The following USP29 variants were observed in gnomAD, a reference collection of about 807,000 sequenced individuals.
The protein encoded by USP29 is ubiquitin carboxyl-terminal hydrolase 29.
For missense variants in USP29, 1,102 were observed against 1,069.0 expected (o/e 1.03, Z -0.43); for synonymous variants, 386 against 387.4 (o/e 1.00, Z 0.04).
Position 57,124,558 on chromosome 19 carries a change from G to C in USP29, c.-17+419G>C, listed in dbSNP as rs548810432. ...GAGCCTTGCTGTGTCTCCCCAGCTGGAGTGCAGTGGCGAGATCTCTGTTCA... is the reference window on the plus strand; with the variant it reads ...GAGCCTTGCTGTGTCTCCCCAGCTGCAGTGCAGTGGCGAGATCTCTGTTCA... On this transcript the variant is annotated intron_variant, in intron 3 of 3. Transcript: ENST00000254181. Among the ~76,000 whole-genome samples the C allele has an allele frequency of 1.5e-4, 22 of 151,374 alleles. 1 individual carries two copies. Among genetic ancestry groups the C allele is most frequent in the Admixed American group, 1.3e-3 (19 of 15,188 alleles).
At position 57,129,672 on chromosome 19, in the gene USP29, A is replaced by G. The variant is rs1181002815; in HGVS notation, c.997A>G (p.Thr333Ala). 6.2e-7 allele frequency: 1 copy of G among 1,614,102 alleles called. No individual in the cohort carries two copies. The highest frequency in any genetic ancestry group is 1.6e-4 in the Middle Eastern group (1 of 6,062). The part of the protein sequence containing the change: ...IPFEALIMTL[T>A]QLLALKDFCS... Reference sequence around the variant, plus strand: ...CTTTGAGGCTCTTATTATGACCTTGACCCAGCTGCTTGCTTTGAAAGATTT... The same window carrying G: ...CTTTGAGGCTCTTATTATGACCTTGGCCCAGCTGCTTGCTTTGAAAGATTT... The change falls in exon 4 of 4, where the codon ACC (threonine) becomes GCC (alanine). Residue 333 changes from threonine (T) to alanine (A), a missense_variant. Physicochemically the swap from Thr to Ala is moderately conservative, Grantham distance 58. Transcript: ENST00000254181.
intron 2 of USP29, among the ~76,000 whole-genome samples, chr19:57,123,598 G>A (rs1377663152): frequency 2.0e-5 from 3 of 151,996 alleles, no homozygotes; most frequent in East Asian, 3.9e-4. Flanking sequence ...TACAATGTGT[G>A]ATCTCGATGC....
In USP29 at chr19:57,129,580, C is replaced by T. The variant is rs762461791; in HGVS notation, c.905C>T (p.Ser302Leu). ...TGTTACATGAATGCAGTTTTACAATCGCTATTTGCAATTCCATCTTTTGCT... is the reference window on the plus strand; with the variant it reads ...TGTTACATGAATGCAGTTTTACAATTGCTATTTGCAATTCCATCTTTTGCT... ...NTCYMNAVLQ[S>L]LFAIPSFADD... Residue 302 changes from serine (S) to leucine (L), a missense_variant, in exon 4 of 4, where the codon TCG (serine) becomes TTG (leucine). Coordinates refer to ENST00000254181, the MANE Select transcript of USP29 (RefSeq NM_020903.3). The T allele has an allele frequency of 1.1e-5, 18 of 1,614,060 alleles. No individual in the cohort carries two copies. Among genetic ancestry groups the T allele is most frequent in the Admixed American group, 1.7e-5 (1 of 60,010 alleles).
chr19:57,121,619 A>G (rs1028717849), intron 1 of USP29, among the ~76,000 whole-genome samples: 3 of 146,612 alleles, frequency 2.0e-5, no homozygotes, highest in African/African-American at 7.4e-5. Context: ...ATATGCTTAT[A>G]TGTATGTTAT....
At chr19:57,122,781 A>T (rs1272313371) in intron 2 of USP29, among the ~76,000 whole-genome samples, 1 of 152,140 alleles carries the variant, frequency 6.6e-6, no homozygotes, top group African/African-American at 2.4e-5. Flanking sequence ...AATGAAAATG[A>T]TGAAGCCTAC....
In USP29 at chr19:57,131,180, C is replaced by T. The variant is rs528311193; in HGVS notation, c.2505C>T (p.Ser835=). The T allele has an allele frequency of 1.5e-5, 25 of 1,614,166 alleles. 1 individual carries two copies. Among genetic ancestry groups the T allele is most frequent in the East Asian group, 6.7e-5 (3 of 44,886 alleles). ...LISVVSHIGS[S]PNSGHYISDV... The stretch of plus-strand genomic sequence containing the variant: ...GTGTTGTCAGCCATATCGGGAGCTC[C>T]CCAAATTCAGGCCATTACATCAGCG... Residue 835 remains serine (S), a synonymous_variant, in exon 4 of 4, where the codon TCC becomes TCT. Transcript: ENST00000254181.
At chr19:57,124,939 TG>T (rs775172023) in intron 3 of USP29, among the ~76,000 whole-genome samples, 2 of 152,250 alleles carry the variant, frequency 1.3e-5, no homozygotes, top group African/African-American at 2.4e-5. Context: ...CCTCCCATGA[TG>T]GAGCCTTAAT....
intron 1 of USP29, among the ~76,000 whole-genome samples, chr19:57,121,510 A>G (rs1418621573): frequency 6.9e-6 from 1 of 145,208 alleles, no homozygotes; most frequent in Non-Finnish European, 1.5e-5. Flanking sequence ...TATATGTTAT[A>G]TATACTTATA....
At chr19:57,125,246 A>C (rs1419857725) in intron 3 of USP29, among the ~76,000 whole-genome samples, 1 of 152,166 alleles carries the variant, frequency 6.6e-6, no homozygotes, top group Non-Finnish European at 1.5e-5. Flanking sequence ...CTTGTTTGTT[A>C]TGATTTCCGT....
chr19:57,126,146 C>T (rs762082265), intron 3 of USP29, among the ~76,000 whole-genome samples: 13 of 152,150 alleles, frequency 8.5e-5, no homozygotes, highest in Non-Finnish European at 1.9e-4. Flanking sequence ...GATGGGCTTC[C>T]CTTTGTGGGT....
chr19:57,125,406 T>C (rs1033737556), intron 3 of USP29, among the ~76,000 whole-genome samples: 1 of 152,190 alleles, frequency 6.6e-6, no homozygotes, highest in African/African-American at 2.4e-5. Context: ...TCTAAGCCTC[T>C]TTGTAGGTCT....
rs747696729 is a variant in USP29 at position 57,129,908 on chromosome 19, T to C, written c.1233T>C (p.His411=). The change falls in exon 4 of 4, where the codon CAT becomes CAC. Residue 411 remains histidine (H), a synonymous_variant. Transcript: ENST00000254181. ...CGDENSSPQM[H]VGSAATKVFV... ...ATGAAAATTCATCTCCACAAATGCA[T>C]GTTGGTAGTGCTGCCACCAAAGTGT... 8.7e-6 allele frequency: 14 copies of C among 1,614,190 alleles called. No individual in the cohort carries two copies. The highest frequency in any genetic ancestry group is 2.2e-5 in the East Asian group (1 of 44,884).
chr19:57,128,559 A>C, intron 3 of USP29, 101 bp from the exon 4 acceptor site: 1 of 1,214,496 alleles, frequency 8.2e-7, no homozygotes, highest in South Asian at 1.9e-5. Context: ...GAGCATAAGA[A>C]GACTAAAAAT....
intron 3 of USP29, among the ~76,000 whole-genome samples, chr19:57,127,056 C>T (rs2086827717): frequency 6.6e-6 from 1 of 152,182 alleles, no homozygotes; most frequent in Non-Finnish European, 1.5e-5. Flanking sequence ...CCACTCCAGA[C>T]CCTTTTCACC....
intron 3 of USP29, among the ~76,000 whole-genome samples, chr19:57,126,223 C>T (rs188484445): frequency 6.8e-4 from 104 of 152,144 alleles, no homozygotes; most frequent in African/African-American, 2.1e-3. Flanking sequence ...GAGAATCTGA[C>T]GATTATGTGT....
intron 3 of USP29, among the ~76,000 whole-genome samples, chr19:57,128,449 G>A (rs888959267): frequency 1.2e-4 from 19 of 152,058 alleles, no homozygotes; most frequent in Admixed American, 5.9e-4. Context: ...ATTCTTTCTC[G>A]CCTAACAGCT....
At chr19:57,122,558 T>C (rs1179956283) in intron 2 of USP29, 84 bp downstream of exon 2, 2 of 141,924 alleles carry the variant, frequency 1.4e-5, no homozygotes, top group Non-Finnish European at 3.0e-5. Flanking sequence ...TGTGTGTGTA[T>C]GTGTGTGTGA....
intron 1 of USP29, among the ~76,000 whole-genome samples, chr19:57,120,722 G>C (rs113299706): frequency 7.1e-6 from 1 of 140,632 alleles, no homozygotes; most frequent in Non-Finnish European, 1.5e-5. Context: ...CAGAGGTGGA[G>C]GTTGCAGTGA....
intron 3 of USP29, among the ~76,000 whole-genome samples, chr19:57,126,537 G>A (rs1444557128): frequency 6.6e-6 from 1 of 151,484 alleles, no homozygotes; most frequent in Non-Finnish European, 1.5e-5. Context: ...CCTTTATTCT[G>A]CTTGATTGAT....
Sources: gnomAD v4.1 joint callset for allele counts (sites outside exome capture counted in the v4.1 genomes callset) on GRCh38, gnomAD v4.1.1 for gene constraint, MANE v1.5 for transcripts, NCBI Gene and HGNC (gene_info 2026-07-23, HGNC 2026-07-21) for gene names.